The following PTPRT variants were observed in gnomAD, a reference collection of about 807,000 sequenced individuals.
PTPRT encodes protein tyrosine phosphatase receptor type T, also known as receptor-type tyrosine-protein phosphatase T.
Under a neutral mutation model 176.8 loss-of-function variants are expected in PTPRT, and 56 were observed. The ratio of observed to expected loss-of-function variants is 0.32; its 90% confidence interval spans 0.26 to 0.40. The LOEUF (loss-of-function observed/expected upper bound fraction) is 0.40, where lower values mean the gene tolerates loss of function less well. Among genes scored for constraint, PTPRT ranks in the 10% least tolerant of loss-of-function variants. PTPRT has a pLI of 1.00. For missense variants in PTPRT, 1,540 were observed against 1,908.2 expected (o/e 0.81, Z 3.60); for synonymous variants, 783 against 739.0 (o/e 1.06, Z -0.96).
At chr20:42,532,071 G>C (rs2072394123) in intron 7 of PTPRT, among the ~76,000 whole-genome samples, 1 of 152,172 alleles carries the variant, frequency 6.6e-6, no homozygotes, top group South Asian at 2.1e-4. Context: ...GGGGACGAGA[G>C]GAGGCAGTGC....
At chr20:42,446,857 G>A (rs2070742152) in intron 9 of PTPRT, among the ~76,000 whole-genome samples, 1 of 152,090 alleles carries the variant, frequency 6.6e-6, no homozygotes, top group Non-Finnish European at 1.5e-5. Context: ...ATGGATGTCT[G>A]TTTCCTCCTT....
chr20:43,034,300 C>G lies in PTPRT; in HGVS notation c.89-148368G>C, dbSNP rs1017237020. Among the ~76,000 whole-genome samples, 8 of 152,152 alleles carry G rather than the reference C, an allele frequency of 5.3e-5. No homozygotes were observed. In the South Asian group the frequency reaches 8.3e-4, roughly 16 times the overall value. ...GCACCTAGAAGGAAAGAGGGAAACCCCCTCCCTTTGATGCATCTTGTAGAG... is the reference window on the plus strand; with the variant it reads ...GCACCTAGAAGGAAAGAGGGAAACCGCCTCCCTTTGATGCATCTTGTAGAG... On this transcript the variant is annotated intron_variant, in intron 1 of 30. Transcript: ENST00000373187.
chr20:42,413,412 TGAAAGA>T (rs2059035453), intron 9 of PTPRT, among the ~76,000 whole-genome samples: 1 of 152,026 alleles, frequency 6.6e-6, no homozygotes, highest in Non-Finnish European at 1.5e-5. Context: ...ACATAAAAAG[TGAAAGA>T]CAATTTAGGA....
intron 12 of PTPRT, among the ~76,000 whole-genome samples, chr20:42,284,710 C>T (rs1380699004): frequency 6.6e-6 from 1 of 151,866 alleles, no homozygotes; most frequent in Non-Finnish European, 1.5e-5. Flanking sequence ...CAAAGACTGT[C>T]TTAAAGAAAG....
At chr20:43,184,805 A>T (rs185074878) in intron 1 of PTPRT, among the ~76,000 whole-genome samples, 200 of 152,076 alleles carry the variant, frequency 1.3e-3, no homozygotes, top group Non-Finnish European at 1.9e-3. Flanking sequence ...GTCCCTTTGG[A>T]ATGTATATCT....
chr20:42,128,146 T>C (rs1480694237), intron 19 of PTPRT, among the ~76,000 whole-genome samples: 1 of 152,202 alleles, frequency 6.6e-6, no homozygotes, highest in Non-Finnish European at 1.5e-5. Context: ...TGCTATTCTC[T>C]CTAACTAGAG....
In PTPRT at chr20:42,495,124, T is replaced by TA. The variant is rs11384458; in HGVS notation, c.1154-22563dup. The stretch of plus-strand genomic sequence containing the variant: ...TAAATTTCCAGAGCAGCAAAGAACT[T>TA]AAAGATCATCAGGCCTAACGTCCCC... On this transcript the variant is annotated intron_variant, in intron 7 of 30. Coordinates refer to ENST00000373187, the MANE Select transcript of PTPRT (RefSeq NM_007050.6). Among the ~76,000 whole-genome samples the TA allele has an allele frequency of 4.9e-3, 740 of 152,256 alleles. 6 individuals carry two copies. The highest frequency in any genetic ancestry group is 0.017 in the African/African-American group (686 of 41,544).
At chr20:42,456,488 G>A (rs774389069) in intron 8 of PTPRT, among the ~76,000 whole-genome samples, 1 of 151,904 alleles carries the variant, frequency 6.6e-6, no homozygotes, top group Non-Finnish European at 1.5e-5. Context: ...ATGTTTGTAG[G>A]TTTTTTAGTT....
chr20:42,558,449 A>G (rs2145639907), intron 7 of PTPRT, among the ~76,000 whole-genome samples: 1 of 152,272 alleles, frequency 6.6e-6, no homozygotes, highest in East Asian at 1.9e-4. Flanking sequence ...ATGTGTGTTT[A>G]TAATACAATG....
Position 42,483,742 on chromosome 20 carries a change from T to C in PTPRT, c.1154-11180A>G, listed in dbSNP as rs532731670. On this transcript the variant is annotated intron_variant, in intron 7 of 30. Coordinates refer to ENST00000373187, the MANE Select transcript of PTPRT (RefSeq NM_007050.6). ...TCGGGCCCACAGTAAGCACAAAAAC[T>C]GCAGCCCAAGGGCCTTCAGCCAGTT... Among the ~76,000 whole-genome samples the C allele has an allele frequency of 5.3e-5, 8 of 152,340 alleles. No homozygotes were observed. In the South Asian group the frequency reaches 1.7e-3, roughly 32 times the overall value.
Position 42,090,816 on chromosome 20 carries a change from G to A in PTPRT, c.3847-4963C>T, listed in dbSNP as rs188015961. ...CTGACCTAAAGGCCACACTTACCCT[G>A]AATGCAACCTTGACATTTTCTTCCT... On this transcript the variant is annotated intron_variant, in intron 27 of 30. Coordinates refer to ENST00000373187, the MANE Select transcript of PTPRT (RefSeq NM_007050.6). 1.3e-3 allele frequency among the ~76,000 whole-genome samples: 204 copies of A among 152,356 alleles called. 1 individual carries two copies. Among genetic ancestry groups the A allele is most frequent in the Non-Finnish European group, 1.9e-3 (126 of 68,036 alleles).
intron 7 of PTPRT, among the ~76,000 whole-genome samples, chr20:42,617,294 T>C (rs1383828011): frequency 7.3e-6 from 1 of 136,950 alleles, no homozygotes; most frequent in African/African-American, 3.2e-5. Context: ...GAAGCCTACT[T>C]GATCATGGTG....
chr20:42,165,324 G>A (rs1989780007), intron 16 of PTPRT, among the ~76,000 whole-genome samples: 1 of 152,204 alleles, frequency 6.6e-6, no homozygotes, highest in African/African-American at 2.4e-5. Flanking sequence ...GTTAGATATT[G>A]TGTTCATACA....
rs1222289626 is a variant in PTPRT at position 42,085,913 on chromosome 20, T to C, written c.3847-60A>G. The C allele has an allele frequency of 4.7e-6, 7 of 1,483,234 alleles. No individual in the cohort carries two copies. The African/African-American group carries it at 8.6e-5, about 18-fold the overall frequency. 91.9% of individuals were successfully genotyped at this position (1,483,234 alleles called of 1,614,324 possible). On this transcript the variant is annotated intron_variant, in intron 27 of 30. Coordinates refer to ENST00000373187, the MANE Select transcript of PTPRT (RefSeq NM_007050.6). ...AAGGCAGGGGGCGGGTATCAAAGTC[T>C]CATTTATCAACAAGCTTTTCTTTTC... is the stretch of plus-strand genomic sequence containing the variant.
At chr20:43,023,483 C>T (rs1985786123) in intron 1 of PTPRT, among the ~76,000 whole-genome samples, 1 of 152,228 alleles carries the variant, frequency 6.6e-6, no homozygotes, top group Admixed American at 6.5e-5. Flanking sequence ...CCAAGATTTC[C>T]TGCTCACACA....
intron 16 of PTPRT, among the ~76,000 whole-genome samples, chr20:42,180,347 A>T (rs542370994): frequency 2.0e-5 from 3 of 152,264 alleles, no homozygotes; most frequent in African/African-American, 7.2e-5. Flanking sequence ...CATGGCTCAC[A>T]TCTGTTACCT....
chr20:42,356,493 G>C (rs1210653205), intron 9 of PTPRT, among the ~76,000 whole-genome samples: 1 of 152,072 alleles, frequency 6.6e-6, no homozygotes, highest in African/African-American at 2.4e-5. Context: ...TCGGGAGTTC[G>C]AGACCAGCCT....
chr20:42,619,586 C>T lies in PTPRT; in HGVS notation c.1153+58280G>A, dbSNP rs1210000953. The stretch of plus-strand genomic sequence containing the variant: ...GTCACTTTCAGGTACACCAATCAGA[C>T]GTAGATTTGGTCTTTTCACATAGTC... On this transcript the variant is annotated intron_variant, in intron 7 of 30. Coordinates refer to ENST00000373187, the MANE Select transcript of PTPRT (RefSeq NM_007050.6). 2.3e-4 allele frequency among the ~76,000 whole-genome samples: 30 copies of T among 131,230 alleles called. 1 individual carries two copies. Among genetic ancestry groups the T allele is most frequent in the South Asian group, 7.2e-4 (3 of 4,184 alleles). 86.1% of individuals were successfully genotyped at this position (131,230 alleles called of 152,430 possible). A position where few individuals can be genotyped will look rare whatever the true frequency, so the allele number is the denominator to read the frequency against.
chr20:42,749,006 G>A (rs560601667), intron 6 of PTPRT, among the ~76,000 whole-genome samples: 7 of 152,216 alleles, frequency 4.6e-5, no homozygotes, highest in African/African-American at 1.7e-4. Flanking sequence ...TGCTTCTAGG[G>A]GTCTCAACGC....
Sources: allele counts gnomAD v4.1 joint callset (sites outside exome capture counted in the v4.1 genomes callset), GRCh38; gene constraint gnomAD v4.1.1; transcripts MANE v1.5; gene names NCBI Gene and HGNC (gene_info 2026-07-23, HGNC 2026-07-21).